The following CCDC178 variants were observed in gnomAD, a reference collection of about 807,000 sequenced individuals.
CCDC178 encodes coiled-coil domain-containing protein 178.
Under a neutral mutation model 117.4 loss-of-function variants are expected in CCDC178, and 126 were observed. The ratio of observed to expected loss-of-function variants is 1.07; its 90% confidence interval spans 0.93 to 1.24. CCDC178 has a LOEUF of 1.24. Ranked by LOEUF, CCDC178 falls within the 50% of genes most tolerant of loss-of-function variation. The probability of loss-of-function intolerance (pLI) is 0.00; values close to 1 mark genes in which losing one functional copy is unlikely to be tolerated. For synonymous variants in CCDC178, 283 were observed against 313.4 expected (o/e 0.90, Z 1.02); for missense variants, 1,030 against 986.9 (o/e 1.04, Z -0.59).
intron 11 of CCDC178, among the ~76,000 whole-genome samples, chr18:33,303,811 G>T (rs1416498866): frequency 2.0e-5 from 3 of 152,156 alleles, no homozygotes; most frequent in Admixed American, 6.5e-5. Context: ...TAGGGGAAAT[G>T]CTTGTGAGAA....
rs562386157 is a variant in CCDC178, at chr18:33,327,436, T to C, written c.880-3803A>G. 3.9e-5 allele frequency among the ~76,000 whole-genome samples: 6 copies of C among 152,352 alleles called. No individual in the cohort carries two copies. The East Asian group carries it at 1.2e-3, about 29-fold the overall frequency. On this transcript the variant is annotated intron_variant, in intron 10 of 22. Transcript: ENST00000383096. ...GTTTTTGCTTTTCTTTTTGTTTTTT[T>C]AGTCTCAGCTTTTGTTTCTTTTAGA...
At position 33,192,894 on chromosome 18, in the gene CCDC178, T is replaced by G. The variant is rs1042494858; in HGVS notation, c.2238+19002A>C. Among the ~76,000 whole-genome samples the G allele has an allele frequency of 1.4e-3, 160 of 112,686 alleles. 1 individual carries two copies. The highest frequency in any genetic ancestry group is 5.4e-3 in the African/African-American group (150 of 27,874). The allele number at this position is 112,686 out of a possible 152,430, so 73.9% of individuals were successfully genotyped here. On this transcript the variant is annotated intron_variant, in intron 20 of 22. Transcript: ENST00000383096. ...CCAGCCTGGGTGACAAGAGCAAAAC[T>G]CCGTCTCAAAAAAAAAAAAAAGAAA... is the stretch of plus-strand genomic sequence containing the variant.
At chr18:33,391,249 C>T (rs1202402806) in intron 4 of CCDC178, among the ~76,000 whole-genome samples, 1 of 150,800 alleles carries the variant, frequency 6.6e-6, no homozygotes, top group African/African-American at 2.4e-5. Flanking sequence ...TATTACTTTA[C>T]AATTGAAGTT....
At chr18:32,943,716 C>G (rs554537899) in intron 22 of CCDC178, among the ~76,000 whole-genome samples, 7 of 152,218 alleles carry the variant, frequency 4.6e-5, no homozygotes, top group African/African-American at 1.7e-4. Flanking sequence ...TCAAGAGATA[C>G]AAAGCACTAT....
intron 20 of CCDC178, among the ~76,000 whole-genome samples, chr18:33,123,888 CT>C (rs748085452): frequency 1.3e-5 from 2 of 152,126 alleles, no homozygotes; most frequent in Non-Finnish European, 2.9e-5. Flanking sequence ...TTGCCTGTCC[CT>C]TTTAATCTTA....
intron 21 of CCDC178, among the ~76,000 whole-genome samples, chr18:32,978,203 ATTT>A (rs34863142): frequency 5.6e-5 from 5 of 90,040 alleles, no homozygotes; most frequent in African/African-American, 1.6e-4. Flanking sequence ...CTCAAAAAAG[ATTT>A]TTTTTTTTTT....
At chr18:33,129,959 T>C (rs2058050960) in intron 20 of CCDC178, among the ~76,000 whole-genome samples, 1 of 152,004 alleles carries the variant, frequency 6.6e-6, no homozygotes, top group Non-Finnish European at 1.5e-5. Flanking sequence ...TCTTGTAAAA[T>C]ATTTTAGCTA....
intron 8 of CCDC178, among the ~76,000 whole-genome samples, chr18:33,347,037 T>C (rs1382325208): frequency 1.3e-5 from 2 of 152,252 alleles, no homozygotes; most frequent in East Asian, 1.9e-4. Context: ...GGGTACTCAT[T>C]TGACCATTTA....
chr18:33,114,896 G>A (rs1040013730), intron 20 of CCDC178, among the ~76,000 whole-genome samples: 1 of 151,956 alleles, frequency 6.6e-6, no homozygotes, highest in Middle Eastern at 3.2e-3. Context: ...AATAGCAAGG[G>A]AAAAAGAATG....
At chr18:32,946,043 C>T (rs2054338866) in intron 22 of CCDC178, among the ~76,000 whole-genome samples, 2 of 152,044 alleles carry the variant, frequency 1.3e-5, no homozygotes. Flanking sequence ...AACTATACTT[C>T]CTTATATTAC....
rs114273644 is a variant in CCDC178, at chr18:33,015,551, C to T, written c.2389-40870G>A. 8.9e-3 allele frequency among the ~76,000 whole-genome samples: 1,350 copies of T among 151,414 alleles called. 20 individuals are homozygous for T. Among genetic ancestry groups the T allele is most frequent in the African/African-American group, 0.031 (1,293 of 41,212 alleles). On this transcript the variant is annotated intron_variant, in intron 21 of 22. Coordinates refer to ENST00000383096, the MANE Select transcript of CCDC178 (RefSeq NM_001105528.4). ...CTGCACTCTAGCCTGAGAGACAGTG[C>T]GAGACTCCGTCTCAAAAACAACAAC...
chr18:33,289,598 T>C (rs2060142017), intron 12 of CCDC178, among the ~76,000 whole-genome samples: 1 of 151,944 alleles, frequency 6.6e-6, no homozygotes, highest in African/African-American at 2.4e-5. Flanking sequence ...CTGGTGACAC[T>C]GTGAGACTAC....
Position 33,267,052 on chromosome 18 carries a change from T to C in CCDC178, c.1273A>G (p.Lys425Glu), listed in dbSNP as rs2059826837. ...LEAVNDFYAAKKTWDIELSDV... is the reference protein window; with the variant it reads ...LEAVNDFYAAEKTWDIELSDV... Reference sequence around the variant, plus strand: ...GAAAGCTCAATATCCCATGTTTTTTTCTTTAAGAAAAGAATAAAAGAATCA... The same window carrying C: ...GAAAGCTCAATATCCCATGTTTTTTCCTTTAAGAAAAGAATAAAAGAATCA... Residue 425 changes from lysine to glutamate, a missense_variant and splice_region_variant, in exon 14 of 23, where the codon AAA becomes GAA. Transcript: ENST00000383096. The C allele has an allele frequency of 2.5e-6, 4 of 1,578,850 alleles. 1 individual carries two copies. The highest frequency in any genetic ancestry group is 1.4e-5 in the African/African-American group (1 of 72,696).
At chr18:33,333,720 C>T (rs778693263) in intron 9 of CCDC178, among the ~76,000 whole-genome samples, 2 of 151,662 alleles carry the variant, frequency 1.3e-5, no homozygotes, top group Non-Finnish European at 2.9e-5. Flanking sequence ...CCATGTTGGT[C>T]GGGCTGGTCT....
intron 5 of CCDC178, among the ~76,000 whole-genome samples, chr18:33,377,756 G>A (rs2063384582): frequency 6.6e-6 from 1 of 152,150 alleles, no homozygotes; most frequent in Non-Finnish European, 1.5e-5. Context: ...TGAGATGGAT[G>A]CAGGTGTGAG....
intron 4 of CCDC178, among the ~76,000 whole-genome samples, chr18:33,394,082 A>G (rs2044936639): frequency 6.6e-6 from 1 of 152,044 alleles, no homozygotes; most frequent in African/African-American, 2.4e-5. Context: ...TTTAATTGGT[A>G]GATTTTTATT....
intron 15 of CCDC178, among the ~76,000 whole-genome samples, chr18:33,240,883 A>T (rs1009879433): frequency 2.6e-5 from 4 of 151,884 alleles, no homozygotes; most frequent in Non-Finnish European, 5.9e-5. Context: ...TATCAAATAC[A>T]CATGAGGAAA....
intron 12 of CCDC178, among the ~76,000 whole-genome samples, chr18:33,290,018 A>G (rs9961770): frequency 0.07 from 10,733 of 152,242 alleles, 597 homozygotes; most frequent in African/African-American, 0.15. Context: ...TTCAAAATTC[A>G]TAAAGCAAAA....
At chr18:33,419,772 T>G (rs2063998749) in intron 2 of CCDC178, among the ~76,000 whole-genome samples, 1 of 152,038 alleles carries the variant, frequency 6.6e-6, no homozygotes, top group African/African-American at 2.4e-5. Context: ...CATTAAAAAG[T>G]CAAAAAATAA....
Sources: gnomAD v4.1 joint callset for allele counts (sites outside exome capture counted in the v4.1 genomes callset) on GRCh38, gnomAD v4.1.1 for gene constraint, MANE v1.5 for transcripts, NCBI Gene and HGNC (gene_info 2026-07-23, HGNC 2026-07-21) for gene names.